PLD1: variants seen among roughly 807,000 people sequenced by gnomAD.
The protein encoded by PLD1 is choline phosphatase 1.
Under a neutral mutation model 137.1 loss-of-function variants are expected in PLD1, and 112 were observed. The observed-to-expected ratio is 0.82, with a 90% CI of 0.70 to 0.96. The LOEUF is 0.96. Ranked by LOEUF, PLD1 falls within the 40% of genes least tolerant of loss-of-function variation. The pLI is 0.00. For synonymous variants in PLD1, 431 were observed against 454.7 expected (o/e 0.95, Z 0.66); for missense variants, 1,321 against 1,342.0 (o/e 0.98, Z 0.24).
At chr3:171,615,905 T>A (rs1439037123) in intron 24 of PLD1, among the ~76,000 whole-genome samples, 1 of 152,178 alleles carries the variant, frequency 6.6e-6, no homozygotes, top group Admixed American at 6.5e-5. Context: ...AGCTGCAGGG[T>A]GTATGACTTT....
intron 23 of PLD1, among the ~76,000 whole-genome samples, chr3:171,631,942 C>A (rs1734702720): frequency 6.6e-6 from 1 of 152,006 alleles, no homozygotes; most frequent in African/African-American, 2.4e-5. Flanking sequence ...ATGCTAAAAC[C>A]AGGAGGTCAA....
intron 8 of PLD1, among the ~76,000 whole-genome samples, chr3:171,718,822 G>C (rs769813766): frequency 6.6e-6 from 1 of 152,156 alleles, no homozygotes; most frequent in Non-Finnish European, 1.5e-5. Context: ...TAGTTCATAA[G>C]TATTCATAAA....
chr3:171,787,955 C>A (rs1195871956), intron 1 of PLD1, among the ~76,000 whole-genome samples: 1 of 151,888 alleles, frequency 6.6e-6, no homozygotes. Context: ...GCCTATACTC[C>A]CAGCACTTTG....
intron 1 of PLD1, among the ~76,000 whole-genome samples, chr3:171,804,308 C>T (rs1466372548): frequency 6.6e-6 from 1 of 151,940 alleles, no homozygotes; most frequent in African/African-American, 2.4e-5. Context: ...ATGCCACAGA[C>T]TGTCCATTCT....
In PLD1 at chr3:171,605,413, A is replaced by G; in HGVS notation, c.2886T>C (p.Val962=). The G allele has an allele frequency of 6.3e-7, 1 of 1,594,342 alleles. No individual in the cohort carries two copies. The highest frequency in any genetic ancestry group is 8.6e-7 in the Non-Finnish European group (1 of 1,162,070). ...TTGGGTCATCAAGATAGCCAAGGAC[A>G]ACCCTGAAATACAAGTGACCTCCAC... ...ARGLRLQCFR[V]VLGYLDDPSE... Residue 962 remains valine, a synonymous_variant, in exon 26 of 27, where the codon GTT becomes GTC. Coordinates refer to ENST00000351298, the MANE Select transcript of PLD1 (RefSeq NM_002662.5).
chr3:171,764,941 A>G (rs796224277), intron 1 of PLD1, among the ~76,000 whole-genome samples: 2,102 of 15,110 alleles, frequency 0.14, 404 homozygotes, highest in Non-Finnish European at 0.19. Flanking sequence ...AAGGAAAGAA[A>G]GAAAGAAAGA....
intron 25 of PLD1, among the ~76,000 whole-genome samples, chr3:171,609,230 A>G (rs1219846267): frequency 6.6e-6 from 1 of 152,156 alleles, no homozygotes; most frequent in African/African-American, 2.4e-5. Context: ...TAAAAAGTCA[A>G]AAAACAACAG....
intron 16 of PLD1, among the ~76,000 whole-genome samples, chr3:171,678,307 G>A (rs1036594391): frequency 1.3e-5 from 2 of 152,172 alleles, no homozygotes; most frequent in African/African-American, 4.8e-5. Flanking sequence ...GTAAAATGAA[G>A]AATTTGGCCT....
In PLD1 at chr3:171,609,553, C is replaced by CACACA. The variant is rs1553797587; in HGVS notation, c.2882+2725_2882+2726insTGTGT. Among the ~76,000 whole-genome samples, 210 of 136,194 alleles carry CACACA rather than the reference C, an allele frequency of 1.5e-3. 2 individuals are homozygous for CACACA. The highest frequency in any genetic ancestry group is 6.0e-3 in the African/African-American group (200 of 33,306). 89.3% of individuals were successfully genotyped at this position (136,194 alleles called of 152,430 possible). On this transcript the variant is annotated intron_variant, in intron 25 of 26. Coordinates refer to ENST00000351298, the MANE Select transcript of PLD1 (RefSeq NM_002662.5). ...ACACACACACACACACACACACACA[C>CACACA]ACCAGAGAAAACTACTCAGCCATAA...
rs761929441 is a variant in PLD1, at chr3:171,737,645, AG to A, written c.174del (p.Ser59LeufsTer23). 2.5e-5 allele frequency: 39 copies of A among 1,558,932 alleles called. No homozygotes were observed. Among genetic ancestry groups the A allele is most frequent in the Non-Finnish European group, 3.4e-5 (39 of 1,134,366 alleles). ...AATCCTTGAGTGTTATAAATAGCAGAGAAAGGGATATACACTAAAAAAAAAA... is the reference window on the plus strand; with the variant it reads ...AATCCTTGAGTGTTATAAATAGCAGAAAAGGGATATACACTAAAAAAAAAA... ...DPKIQEVYIP[F>X]SAIYNTQGFK... is the part of the protein sequence containing the mutation. On this transcript the variant is annotated frameshift_variant, in exon 3 of 27. Transcript: ENST00000351298. LOFTEE classifies it high-confidence loss of function.
chr3:171,786,058 CAAACTGG>C (rs1723003381), intron 1 of PLD1, among the ~76,000 whole-genome samples: 1 of 152,148 alleles, frequency 6.6e-6, no homozygotes, highest in Admixed American at 6.5e-5. Context: ...GTTGACTTTC[CAAACTGG>C]AAACAGTATT....
chr3:171,756,183 C>A (rs1721012888), intron 1 of PLD1, among the ~76,000 whole-genome samples: 1 of 152,204 alleles, frequency 6.6e-6, no homozygotes, highest in Non-Finnish European at 1.5e-5. Flanking sequence ...GGCATTTAGA[C>A]TTTACCTTTC....
At chr3:171,781,732 A>G (rs1302489495) in intron 1 of PLD1, among the ~76,000 whole-genome samples, 1 of 152,230 alleles carries the variant, frequency 6.6e-6, no homozygotes, top group African/African-American at 2.4e-5. Context: ...AAGACCGTCA[A>G]ACCCAAATGC....
At chr3:171,624,848 C>A (rs766662765) in intron 23 of PLD1, among the ~76,000 whole-genome samples, 4 of 152,022 alleles carry the variant, frequency 2.6e-5, no homozygotes, top group African/African-American at 4.8e-5. Context: ...ATACAACTAT[C>A]TGAGCATTTT....
At chr3:171,644,127 C>T (rs997057757) in intron 22 of PLD1, among the ~76,000 whole-genome samples, 4 of 152,104 alleles carry the variant, frequency 2.6e-5, no homozygotes, top group Non-Finnish European at 5.9e-5. Context: ...TTCGTCCTCT[C>T]CCACCTTTCA....
intron 1 of PLD1, chr3:171,809,659 GC>G (rs896183470): frequency 2.0e-5 from 3 of 152,362 alleles, no homozygotes; most frequent in African/African-American, 7.2e-5. Flanking sequence ...GCAAATACAG[GC>G]GTGGCGGTAG....
chr3:171,736,126 C>T (rs1451749817), intron 3 of PLD1, among the ~76,000 whole-genome samples: 1 of 152,160 alleles, frequency 6.6e-6, no homozygotes, highest in Non-Finnish European at 1.5e-5. Flanking sequence ...AAACACATTC[C>T]AAGGTCCAGC....
chr3:171,772,380 A>G (rs1578455015), intron 1 of PLD1, among the ~76,000 whole-genome samples: 1 of 152,250 alleles, frequency 6.6e-6, no homozygotes, highest in East Asian at 1.9e-4. Flanking sequence ...ACTGATTTAC[A>G]TGAATTACTG....
At position 171,764,961 on chromosome 3, in the gene PLD1, A is replaced by AG. The variant is rs1371966257; in HGVS notation, c.-31-26880dup. Among the ~76,000 whole-genome samples the AG allele has an allele frequency of 4.5e-5, 4 of 88,518 alleles. 1 individual carries two copies. The highest frequency in any genetic ancestry group is 5.7e-4 in the East Asian group (2 of 3,516). 58.1% of individuals were successfully genotyped at this position (88,518 alleles called of 152,430 possible). On this transcript the variant is annotated intron_variant, in intron 1 of 26. Coordinates refer to ENST00000351298, the MANE Select transcript of PLD1 (RefSeq NM_002662.5). ...AAGAAAGAAAGAAAGAAAGAAAGAA[A>AG]GAAAGAAAGAAAGAAAGAAAGAAAG...
Sources: allele counts gnomAD v4.1 joint callset (sites outside exome capture counted in the v4.1 genomes callset), GRCh38; gene constraint gnomAD v4.1.1; transcripts MANE v1.5; gene names NCBI Gene and HGNC (gene_info 2026-07-23, HGNC 2026-07-21).